Variants in COL21A1 observed in about 807,000 individuals in gnomAD.
COL21A1 encodes collagen alpha-1(XXI) chain.
Under a neutral mutation model 137.9 loss-of-function variants are expected in COL21A1, and 149 were observed. The ratio of observed to expected loss-of-function variants is 1.08; its 90% CI spans 0.95 to 1.24. COL21A1 has a LOEUF of 1.24. Ranked by LOEUF, COL21A1 falls within the 50% of genes most tolerant of loss-of-function variation. COL21A1 has a pLI of 0.00. For synonymous variants in COL21A1, 456 were observed against 391.5 expected, an observed-to-expected ratio of 1.16 and a Z score of -1.95; for missense variants, 1,167 against 1,158.4, an observed-to-expected ratio of 1.01 and a Z score of -0.11.
At chr6:56,111,245 C>A (rs1268767817) in intron 16 of COL21A1, among the ~76,000 whole-genome samples, 2 of 150,970 alleles carry the variant, frequency 1.3e-5, no homozygotes, top group East Asian at 1.9e-4. Context: ...CTGGTCAATA[C>A]TCTTCAAAAC....
intron 17 of COL21A1, among the ~76,000 whole-genome samples, chr6:56,097,985 AT>A (rs1769647276): frequency 3.1e-5 from 2 of 63,624 alleles, no homozygotes; most frequent in South Asian, 5.1e-4. Flanking sequence ...ATATATATAA[AT>A]ATATATGTAA....
chr6:56,270,743 T>C (rs1283531507), intron 1 of COL21A1, among the ~76,000 whole-genome samples: 1 of 152,142 alleles, frequency 6.6e-6, no homozygotes, highest in Non-Finnish European at 1.5e-5. Flanking sequence ...GTTCTCATGA[T>C]AGTGAAGGAG....
chr6:56,089,180 C>T (rs1315485169), intron 17 of COL21A1, among the ~76,000 whole-genome samples: 2 of 152,102 alleles, frequency 1.3e-5, no homozygotes, highest in South Asian at 2.1e-4. Context: ...TAAGCTGATA[C>T]CTGCAACAGT....
chr6:56,372,817 G>A (rs1050758916), intron 1 of COL21A1, among the ~76,000 whole-genome samples: 10 of 152,090 alleles, frequency 6.6e-5, no homozygotes, highest in Non-Finnish European at 1.3e-4. Flanking sequence ...AATGGTATTG[G>A]TCATTCTTTT....
At chr6:56,204,756 C>T (rs1304806378) in intron 1 of COL21A1, among the ~76,000 whole-genome samples, 1 of 152,144 alleles carries the variant, frequency 6.6e-6, no homozygotes, top group Non-Finnish European at 1.5e-5. Context: ...GCAGATGCTG[C>T]TATGGGATGA....
intron 1 of COL21A1, among the ~76,000 whole-genome samples, chr6:56,211,151 T>C (rs1780134224): frequency 1.4e-5 from 2 of 142,432 alleles, no homozygotes; most frequent in African/African-American, 5.1e-5. Context: ...TATATTTGTG[T>C]AAATTTTGTG....
At chr6:56,365,880 T>G (rs1304727597) in intron 1 of COL21A1, among the ~76,000 whole-genome samples, 1 of 152,182 alleles carries the variant, frequency 6.6e-6, no homozygotes, top group Non-Finnish European at 1.5e-5. Context: ...TAGATTAAGA[T>G]GCCACCTCAG....
At chr6:56,058,888 A>G (rs1369616608) in intron 29 of COL21A1, among the ~76,000 whole-genome samples, 2 of 152,148 alleles carry the variant, frequency 1.3e-5, no homozygotes, top group Admixed American at 6.6e-5. Context: ...AGTGTTATAC[A>G]CCAGATAAGC....
intron 1 of COL21A1, among the ~76,000 whole-genome samples, chr6:56,371,081 C>T (rs922119989): frequency 2.6e-5 from 4 of 152,202 alleles, no homozygotes; most frequent in Non-Finnish European, 4.4e-5. Context: ...TCACCAGTTA[C>T]TCATGTCTGC....
intron 1 of COL21A1, among the ~76,000 whole-genome samples, chr6:56,217,192 G>T (rs1227133637): frequency 2.0e-5 from 3 of 152,044 alleles, no homozygotes; most frequent in Non-Finnish European, 4.4e-5. Flanking sequence ...TAAAATTTCT[G>T]TAAATGGACA....
intron 1 of COL21A1, among the ~76,000 whole-genome samples, chr6:56,188,428 T>G (rs1224214170): frequency 6.6e-6 from 1 of 152,172 alleles, no homozygotes; most frequent in Non-Finnish European, 1.5e-5. Flanking sequence ...ATTCATACAA[T>G]GAAATACTAC....
intron 1 of COL21A1, among the ~76,000 whole-genome samples, chr6:56,326,332 A>C (rs928798163): frequency 7.9e-5 from 12 of 151,714 alleles, no homozygotes; most frequent in Non-Finnish European, 1.6e-4. Flanking sequence ...TATATTAAAA[A>C]TGCAATCTGT....
At chr6:56,076,863 G>T (rs1168854439) in intron 18 of COL21A1, among the ~76,000 whole-genome samples, 1 of 151,462 alleles carries the variant, frequency 6.6e-6, no homozygotes, top group South Asian at 2.1e-4. Context: ...TAATTCCACA[G>T]AGCAAAGAAG....
rs546733513 is a variant in COL21A1, at chr6:56,108,091, G to A, written c.1759-6566C>T. ...ATATTTACAAGGAATAGTAAACGTA[G>A]TATAAAGACCACTAAAATAAAAATA... is the stretch of plus-strand genomic sequence containing the variant. On this transcript the variant is annotated intron_variant, in intron 16 of 29. Transcript: ENST00000244728. Among the ~76,000 whole-genome samples the A allele has an allele frequency of 3.3e-5, 5 of 152,018 alleles. No homozygotes were observed. The South Asian group carries it at 8.3e-4, about 25-fold the overall frequency.
chr6:56,331,150 T>C (rs1765213330), intron 1 of COL21A1, among the ~76,000 whole-genome samples: 1 of 152,078 alleles, frequency 6.6e-6, no homozygotes, highest in Admixed American at 6.6e-5. Flanking sequence ...AGTTATTTGG[T>C]TTTTTTCTTG....
At chr6:56,114,551 A>T (rs1187744780) in intron 16 of COL21A1, among the ~76,000 whole-genome samples, 3 of 152,330 alleles carry the variant, frequency 2.0e-5, no homozygotes, top group Middle Eastern at 3.4e-3. Context: ...ACATTTATGC[A>T]ACCAAAAAAC....
chr6:56,080,212 G>A (rs17683846), intron 17 of COL21A1, among the ~76,000 whole-genome samples: 23,486 of 151,662 alleles, frequency 0.15, 1,849 homozygotes, highest in Middle Eastern at 0.22. Flanking sequence ...ACTATTTTCT[G>A]TTTCGCTGTG....
intron 1 of COL21A1, among the ~76,000 whole-genome samples, chr6:56,258,985 T>A (rs1763185342): frequency 6.6e-6 from 1 of 152,154 alleles, no homozygotes; most frequent in Admixed American, 6.5e-5. Flanking sequence ...CTCTGCAAAA[T>A]CCAAAACTAA....
intron 16 of COL21A1, among the ~76,000 whole-genome samples, chr6:56,117,432 G>T (rs2764056): frequency 0.73 from 111,537 of 151,822 alleles, 41,451 homozygotes; most frequent in East Asian, 0.87. Flanking sequence ...TCCAGATATA[G>T]CAAGGAAATA....
Sources: allele counts gnomAD v4.1 joint callset (sites outside exome capture counted in the v4.1 genomes callset), GRCh38; gene constraint gnomAD v4.1.1; transcripts MANE v1.5; gene names NCBI Gene and HGNC (gene_info 2026-07-23, HGNC 2026-07-21).